Variants in PCDHA11 observed in about 807,000 individuals in gnomAD.
PCDHA11 encodes protocadherin alpha 11.
Under a neutral mutation model 70.3 loss-of-function variants are expected in PCDHA11, and 61 were observed. The observed-to-expected ratio is 0.87, with a 90% CI of 0.71 to 1.07. PCDHA11 has a LOEUF of 1.07. PCDHA11 is among the 50% of genes least tolerant of loss of function. PCDHA11 has a pLI of 0.00. For missense variants in PCDHA11, 1,324 were observed against 1,237.5 expected (o/e 1.07, Z -1.05); for synonymous variants, 633 against 555.1 (o/e 1.14, Z -1.97).
intron 1 of PCDHA11, among the ~76,000 whole-genome samples, chr5:140,957,549 C>T (rs563057107): frequency 6.6e-6 from 1 of 152,038 alleles, no homozygotes; most frequent in South Asian, 2.1e-4. Flanking sequence ...AAAGTATTCT[C>T]TGTGGAAAAG....
In PCDHA11 at chr5:140,869,502, C is replaced by G. The variant is rs2051182557; in HGVS notation, c.399C>G (p.Phe133Leu). Residue 133 changes from phenylalanine (F) to leucine (L), a missense_variant, in exon 1 of 4, where the codon TTC (phenylalanine) becomes TTG (leucine). Transcript: ENST00000398640. ...ACATTAACGACAACCCGCCGGTGTTCTCGCTCAGAGAACAAAAGCTGCTGA... is the reference window on the plus strand; with the variant it reads ...ACATTAACGACAACCCGCCGGTGTTGTCGCTCAGAGAACAAAAGCTGCTGA... ...VKDINDNPPV[F>L]SLREQKLLIA... 6.2e-7 allele frequency: 1 copy of G among 1,614,090 alleles called. No homozygotes were observed. The highest frequency in any genetic ancestry group is 1.3e-5 in the African/African-American group (1 of 74,926).
At chr5:140,883,760 C>T (rs199864330) in intron 1 of PCDHA11, 18 of 1,612,790 alleles carry the variant, frequency 1.1e-5, no homozygotes, top group Non-Finnish European at 1.4e-5. Context: ...GGTGGAGCGG[C>T]GGGTGGGCGA....
At chr5:140,939,712 C>T (rs1019626550) in intron 1 of PCDHA11, among the ~76,000 whole-genome samples, 2 of 152,256 alleles carry the variant, frequency 1.3e-5, no homozygotes, top group East Asian at 1.9e-4. Context: ...TTGTGAGATA[C>T]ATTTATATTG....
intron 1 of PCDHA11, among the ~76,000 whole-genome samples, chr5:140,916,170 G>A (rs782402888): frequency 1.5e-4 from 23 of 152,106 alleles, no homozygotes; most frequent in Non-Finnish European, 2.9e-4. Flanking sequence ...TGCCAGGCCT[G>A]GGACTCTTCA....
intron 1 of PCDHA11, among the ~76,000 whole-genome samples, chr5:140,976,780 A>G (rs2096731008): frequency 6.6e-6 from 1 of 152,224 alleles, no homozygotes; most frequent in Non-Finnish European, 1.5e-5. Context: ...CTCTGACTAT[A>G]TAGCTACGCT....
At chr5:140,884,143 G>T in intron 1 of PCDHA11, 1 of 1,613,438 alleles carries the variant, frequency 6.2e-7, no homozygotes. Flanking sequence ...TCCGCGTGGG[G>T]CTGTACACTG....
chr5:140,883,806 A>T (rs1554180079), intron 1 of PCDHA11: 1 of 1,612,344 alleles, frequency 6.2e-7, no homozygotes, highest in East Asian at 2.2e-5. Flanking sequence ...GTGCACGCGG[A>T]GAGCGGCAAG....
chr5:140,996,262 C>G (rs943119390), intron 3 of PCDHA11, among the ~76,000 whole-genome samples: 1 of 152,182 alleles, frequency 6.6e-6, no homozygotes. Flanking sequence ...CAACACAGAG[C>G]CTGGGATTGC....
chr5:140,974,672 T>G lies in PCDHA11; in HGVS notation c.2392-4277T>G, dbSNP rs186958750. On this transcript the variant is annotated intron_variant, in intron 1 of 3. Coordinates refer to ENST00000398640, the MANE Select transcript of PCDHA11 (RefSeq NM_018902.5). ...GATTACAGGCATGCGCCACCATGCC[T>G]GGCTAATTTTGTATTTTTGGGTTTC... 4.6e-3 allele frequency among the ~76,000 whole-genome samples: 694 copies of G among 152,134 alleles called. 4 individuals are homozygous for G. Among genetic ancestry groups the G allele is most frequent in the African/African-American group, 0.016 (672 of 41,518 alleles).
intron 1 of PCDHA11, among the ~76,000 whole-genome samples, chr5:140,950,299 C>T (rs246045): frequency 0.56 from 85,681 of 151,798 alleles, 24,780 homozygotes; most frequent in African/African-American, 0.69. Context: ...AAAAACTTTA[C>T]TTAGCAGTTT....
chr5:140,883,256 A>G, intron 1 of PCDHA11: 2 of 1,614,146 alleles, frequency 1.2e-6, no homozygotes, highest in Non-Finnish European at 1.7e-6. Flanking sequence ...AAATATTCCA[A>G]TGGCGGGTCA....
At chr5:140,877,959 T>C in intron 1 of PCDHA11, 2 of 1,325,332 alleles carry the variant, frequency 1.5e-6, no homozygotes, top group South Asian at 3.5e-5. Flanking sequence ...ATGTCTCATC[T>C]TTCTTGGTCA....
chr5:140,921,017 T>C (rs2153559418), intron 1 of PCDHA11, among the ~76,000 whole-genome samples: 1 of 152,192 alleles, frequency 6.6e-6, no homozygotes, highest in African/African-American at 2.4e-5. Context: ...TCTTGCTATG[T>C]TTTCTAGACT....
intron 3 of PCDHA11, among the ~76,000 whole-genome samples, chr5:140,987,261 T>C (rs1245588314): frequency 6.6e-6 from 1 of 151,964 alleles, no homozygotes; most frequent in African/African-American, 2.4e-5. Context: ...TTCTCAGGAA[T>C]GGGACCCGGC....
chr5:140,988,308 G>T (rs75602297), intron 3 of PCDHA11, among the ~76,000 whole-genome samples: 1,856 of 152,298 alleles, frequency 0.012, 44 homozygotes, highest in African/African-American at 0.043. Context: ...TGCCAGCTTG[G>T]CTTGGCTTTC....
At position 140,903,003 on chromosome 5, in the gene PCDHA11, A is replaced by C. The variant is rs115622636; in HGVS notation, c.2391+31509A>C. On this transcript the variant is annotated intron_variant, in intron 1 of 3. Transcript: ENST00000398640. ...TGGTTCCATATTTTTGCAATTGTGAATTGTGCTGCTATCAACATGGCTTGC... is the reference window on the plus strand; with the variant it reads ...TGGTTCCATATTTTTGCAATTGTGACTTGTGCTGCTATCAACATGGCTTGC... Among the ~76,000 whole-genome samples the C allele has an allele frequency of 4.6e-3, 703 of 152,302 alleles. 3 individuals are homozygous for C. The highest frequency in any genetic ancestry group is 0.016 in the African/African-American group (680 of 41,574).
intron 1 of PCDHA11, chr5:140,878,201 T>C (rs1157119125): frequency 6.1e-6 from 1 of 164,102 alleles, no homozygotes; most frequent in African/African-American, 2.4e-5. Context: ...GTTGCAAGAA[T>C]GGTACAAAGA....
At chr5:140,969,224 T>A (rs782172299) in intron 1 of PCDHA11, 1 of 1,614,100 alleles carries the variant, frequency 6.2e-7, no homozygotes, top group East Asian at 2.2e-5. Context: ...ACCAGGGCCT[T>A]CGGGAGCCCA....
chr5:140,932,750 GGAAA>G (rs1554209054), intron 1 of PCDHA11, among the ~76,000 whole-genome samples: 1 of 151,518 alleles, frequency 6.6e-6, no homozygotes, highest in Non-Finnish European at 1.5e-5. Flanking sequence ...TCAGTAAAAA[GGAAA>G]GAAAAAGAAC....
Sources: allele counts gnomAD v4.1 joint callset (sites outside exome capture counted in the v4.1 genomes callset), GRCh38; gene constraint gnomAD v4.1.1; transcripts MANE v1.5; gene names NCBI Gene and HGNC (gene_info 2026-07-23, HGNC 2026-07-21).